MYOF: variants seen among roughly 807,000 people sequenced by gnomAD.
MYOF encodes fer-1-like 3, myoferlin.
A neutral mutation model predicts 284.2 loss-of-function variants in MYOF; 244 were observed. That is an observed-to-expected ratio of 0.86 (90% CI 0.77 to 0.95). The LOEUF (loss-of-function observed/expected upper bound fraction) is 0.95, where lower values mean the gene tolerates loss of function less well. Ranked by LOEUF, MYOF falls within the 40% of genes least tolerant of loss-of-function variation. MYOF has a pLI of 0.00. For missense variants in MYOF, 2,496 were observed against 2,560.6 expected (o/e 0.97, Z 0.54); for synonymous variants, 904 against 919.7 (o/e 0.98, Z 0.31).
intron 3 of MYOF, among the ~76,000 whole-genome samples, chr10:93,437,572 T>C (rs1382766432): frequency 6.6e-6 from 1 of 152,198 alleles, no homozygotes. Flanking sequence ...TTTCTGCCTC[T>C]AGAGATCGCA....
At chr10:93,436,806 G>T (rs1174894340) in intron 3 of MYOF, among the ~76,000 whole-genome samples, 1 of 152,190 alleles carries the variant, frequency 6.6e-6, no homozygotes, top group Non-Finnish European at 1.5e-5. Context: ...TTTAAAGGAG[G>T]TGACACTAAA....
chr10:93,480,003 A>T (rs750072108), intron 1 of MYOF, among the ~76,000 whole-genome samples: 14 of 152,232 alleles, frequency 9.2e-5, no homozygotes, highest in African/African-American at 1.4e-4. Flanking sequence ...GTCAGATTTC[A>T]ATATAGTATT....
intron 30 of MYOF, 21 bp downstream of exon 30, chr10:93,356,654 C>G: frequency 6.2e-7 from 1 of 1,606,046 alleles, no homozygotes; most frequent in Non-Finnish European, 8.5e-7. Flanking sequence ...ATGATCTGCG[C>G]TCTGGCAACC....
chr10:93,478,305 A>G (rs759378561), intron 1 of MYOF: 16 of 228,688 alleles, frequency 7.0e-5, no homozygotes, highest in Middle Eastern at 4.7e-4. Context: ...CATGGAACTT[A>G]GGGCAGAATG....
chr10:93,448,209 C>G (rs1441393583), intron 3 of MYOF, among the ~76,000 whole-genome samples: 3 of 151,892 alleles, frequency 2.0e-5, no homozygotes, highest in African/African-American at 7.3e-5. Flanking sequence ...CCCCTACTCC[C>G]TAACCCCCCA....
chr10:93,474,186 C>G (rs1231279620), intron 1 of MYOF, among the ~76,000 whole-genome samples: 1 of 152,144 alleles, frequency 6.6e-6, no homozygotes, highest in Non-Finnish European at 1.5e-5. Context: ...GGGATGAGCT[C>G]CATCTGTGCT....
chr10:93,376,667 C>T (rs1192314593), intron 22 of MYOF, among the ~76,000 whole-genome samples: 1 of 152,204 alleles, frequency 6.6e-6, no homozygotes, highest in Non-Finnish European at 1.5e-5. Context: ...TCTTTCGGAA[C>T]TTCCCTGTCC....
rs1202162983 is a variant in MYOF, at chr10:93,475,248, C to T, written c.88+6859G>A. On this transcript the variant is annotated intron_variant, in intron 1 of 53. Coordinates refer to ENST00000359263, the MANE Select transcript of MYOF (RefSeq NM_013451.4). ...GCTCAGACCTGCTCAAAGCACACCCCAGTGCAACAGAACAGCTGTTCAATA... is the reference window on the plus strand; with the variant it reads ...GCTCAGACCTGCTCAAAGCACACCCTAGTGCAACAGAACAGCTGTTCAATA... Among the ~76,000 whole-genome samples, 3 of 152,304 alleles carry T rather than the reference C, an allele frequency of 2.0e-5. No individual in the cohort carries two copies. The East Asian group carries it at 5.8e-4, about 29-fold the overall frequency.
At position 93,374,751 on chromosome 10, in the gene MYOF, T is replaced by A. The variant is rs7478391; in HGVS notation, c.2301+12A>T. ...CATATCAGGTGACGTTTGTGTAGTT[T>A]AAAAGTCCTACCTCTTCAGTCAGCT... On this transcript the variant is annotated intron_variant, in intron 23 of 53. Transcript: ENST00000359263. 6.2e-7 allele frequency: 1 copy of A among 1,611,306 alleles called. No individual in the cohort carries two copies. Among genetic ancestry groups the A allele is most frequent in the Non-Finnish European group, 8.5e-7 (1 of 1,178,798 alleles).
Position 93,388,277 on chromosome 10 carries a change from G to T in MYOF, c.1582-364C>A, listed in dbSNP as rs1416763819. Among the ~76,000 whole-genome samples the T allele has an allele frequency of 6.6e-5, 10 of 152,330 alleles. No individual in the cohort carries two copies. The East Asian group carries it at 1.9e-3, about 29-fold the overall frequency. On this transcript the variant is annotated intron_variant, in intron 18 of 53. Transcript: ENST00000359263. The stretch of plus-strand genomic sequence containing the variant: ...TCTCCCTTCACCGTACTTCAGCAGG[G>T]AAGCTCTGCATTTATCTGGGTTAAC...
intron 16 of MYOF, among the ~76,000 whole-genome samples, chr10:93,395,109 A>C (rs1209531042): frequency 6.6e-6 from 1 of 152,060 alleles, no homozygotes; most frequent in Non-Finnish European, 1.5e-5. Flanking sequence ...CAATATATTT[A>C]ATCTATTGGC....
chr10:93,418,673 C>T (rs568160521), intron 5 of MYOF, among the ~76,000 whole-genome samples: 47 of 152,314 alleles, frequency 3.1e-4, no homozygotes, highest in East Asian at 5.8e-4. Flanking sequence ...AAGTGAACTC[C>T]GAAATCTGCC....
chr10:93,375,553 T>A (rs1845799962), intron 22 of MYOF, among the ~76,000 whole-genome samples: 1 of 152,250 alleles, frequency 6.6e-6, no homozygotes, highest in Non-Finnish European at 1.5e-5. Flanking sequence ...CTAGTTCTAT[T>A]GTCTTGACCA....
intron 43 of MYOF, among the ~76,000 whole-genome samples, chr10:93,332,853 AT>A (rs1843393420): frequency 6.6e-6 from 1 of 152,104 alleles, no homozygotes; most frequent in Admixed American, 6.5e-5. Flanking sequence ...TTAAAAAAAA[AT>A]AAAATAGGAA....
chr10:93,440,903 C>G (rs2056228657), intron 3 of MYOF, among the ~76,000 whole-genome samples: 1 of 152,188 alleles, frequency 6.6e-6, no homozygotes, highest in Non-Finnish European at 1.5e-5. Context: ...ATTGCAGCAG[C>G]TACTTAATCT....
chr10:93,372,656 T>C (rs1252817393), intron 24 of MYOF, among the ~76,000 whole-genome samples: 1 of 152,186 alleles, frequency 6.6e-6, no homozygotes, highest in Non-Finnish European at 1.5e-5. Context: ...ATATTAGAAG[T>C]GAAATATTCA....
At position 93,340,127 on chromosome 10, in the gene MYOF, T is replaced by C. The variant is rs376786639; in HGVS notation, c.4338+26A>G. ...GGGCAGAAAATACATGAATCTTAAA[T>C]GTAGCAAAATGTATACCATAGTTAC... On this transcript the variant is annotated intron_variant, in intron 39 of 53. Coordinates refer to ENST00000359263, the MANE Select transcript of MYOF (RefSeq NM_013451.4). 5.6e-6 allele frequency: 9 copies of C among 1,613,076 alleles called. No homozygotes were observed. In the African/African-American group the frequency reaches 1.1e-4, roughly 19 times the overall value.
At chr10:93,384,378 G>A (rs774503466) in intron 19 of MYOF, among the ~76,000 whole-genome samples, 4 of 152,336 alleles carry the variant, frequency 2.6e-5, no homozygotes, top group East Asian at 1.9e-4. Context: ...GGTGGTTTAC[G>A]CCTTTAATCC....
At chr10:93,413,482 A>G (rs1480383563) in intron 5 of MYOF, among the ~76,000 whole-genome samples, 1 of 152,206 alleles carries the variant, frequency 6.6e-6, no homozygotes, top group Non-Finnish European at 1.5e-5. Flanking sequence ...GTCATGAGTG[A>G]AATGCTAGCA....
Sources: gnomAD v4.1 joint callset for allele counts (sites outside exome capture counted in the v4.1 genomes callset) on GRCh38, gnomAD v4.1.1 for gene constraint, MANE v1.5 for transcripts, NCBI Gene and HGNC (gene_info 2026-07-23, HGNC 2026-07-21) for gene names.